Variants in OXSR1 observed in about 807,000 individuals in gnomAD.
OXSR1 encodes the protein serine/threonine-protein kinase OSR1.
A neutral mutation model predicts 79.8 loss-of-function variants in OXSR1; 24 were observed. That is an observed-to-expected ratio of 0.30 (90% confidence interval 0.22 to 0.42). The LOEUF (loss-of-function observed/expected upper bound fraction) is 0.42, where lower values mean the gene tolerates loss of function less well. Among genes scored for constraint, OXSR1 ranks in the 10% least tolerant of loss-of-function variants. OXSR1 has a pLI of 1.00. For missense variants in OXSR1, 430 were observed against 618.4 expected (o/e 0.70, Z 3.23); for synonymous variants, 226 against 209.2 (o/e 1.08, Z -0.69).
At chr3:38,236,364 G>A (rs1288239872) in intron 10 of OXSR1, among the ~76,000 whole-genome samples, 1 of 152,148 alleles carries the variant, frequency 6.6e-6, no homozygotes. Flanking sequence ...GAAAGTGGTT[G>A]CCAGTGGAGA....
At position 38,216,148 on chromosome 3, in the gene OXSR1, G is replaced by A; in HGVS notation, c.487G>A (p.Ala163Thr). 1 of 1,568,698 alleles carries A rather than the reference G, an allele frequency of 6.4e-7. No homozygotes were observed. The highest frequency in any genetic ancestry group is 8.7e-7 in the Non-Finnish European group (1 of 1,144,792). The stretch of plus-strand genomic sequence containing the variant: ...TGGAGAAGATGGCTCAGTACAGATT[G>A]CAGGTAATGATTAGTATTTCTTTTT... ...LLGEDGSVQIADFGVSAFLAT... is the reference protein window; with the variant it reads ...LLGEDGSVQITDFGVSAFLAT... Residue 163 changes from alanine to threonine, a missense_variant, in exon 5 of 18, where the codon GCA (alanine) becomes ACA (threonine). Ala to Thr is a moderately conservative substitution (Grantham distance 58). Around this residue, in one of 3 missense-constraint regions of OXSR1, gnomAD observed 145 missense variants for 228.3 expected, o/e 0.64. Transcript: ENST00000311806.
At chr3:38,236,090 CA>C (rs1400647071) in intron 10 of OXSR1, among the ~76,000 whole-genome samples, 1 of 152,120 alleles carries the variant, frequency 6.6e-6, no homozygotes, top group Non-Finnish European at 1.5e-5. Flanking sequence ...ATACTAACTA[CA>C]GGGGAAATAG....
chr3:38,205,137 C>T (rs1210872728), intron 4 of OXSR1, among the ~76,000 whole-genome samples: 1 of 151,504 alleles, frequency 6.6e-6, no homozygotes, highest in Non-Finnish European at 1.5e-5. Context: ...TCTCTGTGCC[C>T]TGCAGCTACT....
chr3:38,241,761 T>G (rs940502143), intron 11 of OXSR1, among the ~76,000 whole-genome samples: 15 of 152,050 alleles, frequency 9.9e-5, no homozygotes, highest in Admixed American at 7.9e-4. Flanking sequence ...AAAGTTTTTT[T>G]TTCTTGTAGT....
In OXSR1 at chr3:38,253,233, T is replaced by A. The variant is rs1333227974; in HGVS notation, c.*342T>A. The A allele has an allele frequency of 1.5e-5, 4 of 262,412 alleles. No individual in the cohort carries two copies. The highest frequency in any genetic ancestry group is 2.9e-5 in the Non-Finnish European group (4 of 136,770). The allele number at this position is 262,412 out of a possible 1,614,324, so 16.3% of individuals were successfully genotyped here. On this transcript the variant is annotated 3_prime_UTR_variant, in exon 18 of 18. Coordinates refer to ENST00000311806, the MANE Select transcript of OXSR1 (RefSeq NM_005109.3). ...TCCAATGATGGCCCAGGTGGAAAAGTAGCAGCTGTATCGGGCTTCCTCATC... is the reference window on the plus strand; with the variant it reads ...TCCAATGATGGCCCAGGTGGAAAAGAAGCAGCTGTATCGGGCTTCCTCATC...
intron 5 of OXSR1, among the ~76,000 whole-genome samples, chr3:38,220,864 G>C (rs546880259): frequency 2.9e-4 from 44 of 152,268 alleles, no homozygotes; most frequent in African/African-American, 9.6e-4. Context: ...TACAGAAAAG[G>C]GGGGATCATG....
chr3:38,177,501 T>C (rs983517232), intron 1 of OXSR1, among the ~76,000 whole-genome samples: 6 of 152,204 alleles, frequency 3.9e-5, no homozygotes, highest in Non-Finnish European at 5.9e-5. Context: ...GTCAAAATTG[T>C]TTATGTACAC....
At chr3:38,240,244 A>T (rs1421094685) in intron 11 of OXSR1, among the ~76,000 whole-genome samples, 2 of 152,182 alleles carry the variant, frequency 1.3e-5, no homozygotes, top group Non-Finnish European at 2.9e-5. Flanking sequence ...TATTTTTCAT[A>T]GTTGTATATG....
At chr3:38,252,254 A>C in intron 16 of OXSR1, 74 bp from the exon 17 acceptor site, 1 of 1,024,212 alleles carries the variant, frequency 9.8e-7, no homozygotes, top group Non-Finnish European at 1.6e-6. Flanking sequence ...CTACCATTTA[A>C]GCTTTTAAAA....
intron 1 of OXSR1, among the ~76,000 whole-genome samples, chr3:38,166,809 A>AT (rs1314763739): frequency 1.3e-5 from 2 of 151,952 alleles, no homozygotes; most frequent in Non-Finnish European, 2.9e-5. Flanking sequence ...AAAAAAAAAA[A>AT]AAAAATTTGA....
intron 4 of OXSR1, among the ~76,000 whole-genome samples, chr3:38,207,133 CACT>C (rs1284085991): frequency 2.6e-5 from 4 of 152,266 alleles, no homozygotes; most frequent in African/African-American, 9.6e-5. Context: ...TCTCTGTCAC[CACT>C]ACTTTGTTTT....
rs767656298 is a variant in OXSR1, at chr3:38,229,747, C to T, written c.885+12C>T. 8.7e-6 allele frequency: 14 copies of T among 1,603,342 alleles called. 1 individual carries two copies. The South Asian group carries it at 1.4e-4, about 16-fold the overall frequency. ...TCCAGAAAGCAAAGGTAGGAAATTC[C>T]AGCTTTTGATTATGTGTGTTCATAG... On this transcript the variant is annotated intron_variant, in intron 9 of 17. Transcript: ENST00000311806.
intron 1 of OXSR1, among the ~76,000 whole-genome samples, chr3:38,171,584 C>T (rs1044596008): frequency 9.2e-5 from 14 of 151,882 alleles, no homozygotes; most frequent in Admixed American, 7.2e-4. Context: ...TTTTGTTCTT[C>T]GTCTTTCTGG....
At chr3:38,188,016 G>A (rs1178836389) in intron 2 of OXSR1, among the ~76,000 whole-genome samples, 2 of 152,092 alleles carry the variant, frequency 1.3e-5, no homozygotes. Flanking sequence ...TAACTCTACT[G>A]GTAGTTAAGG....
At chr3:38,189,904 A>G (rs1701951548) in intron 2 of OXSR1, among the ~76,000 whole-genome samples, 1 of 152,184 alleles carries the variant, frequency 6.6e-6, no homozygotes, top group Admixed American at 6.5e-5. Context: ...TAAGCACACA[A>G]TGTACTATCC....
rs1425173661 is a variant in OXSR1, at chr3:38,253,633, A to C, written c.*742A>C. The C allele has an allele frequency of 6.5e-6, 1 of 152,748 alleles. No individual in the cohort carries two copies. The highest frequency in any genetic ancestry group is 1.9e-4 in the East Asian group (1 of 5,194). 9.5% of individuals were successfully genotyped at this position (152,748 alleles called of 1,614,324 possible). On this transcript the variant is annotated 3_prime_UTR_variant, in exon 18 of 18. Transcript: ENST00000311806. ...ACTTTGGATTGTTTTTACAGACAAC[A>C]TCGAGTAATGGCTTGTAAATGTGAA...
intron 1 of OXSR1, among the ~76,000 whole-genome samples, chr3:38,171,616 A>G (rs1187490798): frequency 6.6e-6 from 1 of 150,692 alleles, no homozygotes; most frequent in Non-Finnish European, 1.5e-5. Flanking sequence ...AGAGAACAGA[A>G]TCTCCTCTTA....
chr3:38,193,652 C>CA (rs1702024400), intron 3 of OXSR1, among the ~76,000 whole-genome samples: 1 of 149,270 alleles, frequency 6.7e-6, no homozygotes, highest in African/African-American at 2.5e-5. Context: ...GTTCCTCTCT[C>CA]AGTGAGTATA....
At position 38,198,092 on chromosome 3, in the gene OXSR1, A is replaced by C. The variant is rs963055121; in HGVS notation, c.293-630A>C. Among the ~76,000 whole-genome samples, 15 of 152,156 alleles carry C rather than the reference A, an allele frequency of 9.9e-5. No individual in the cohort carries two copies. The East Asian group carries it at 2.9e-3, about 29-fold the overall frequency. Reference sequence around the variant, plus strand: ...GGTGTCTTTTCCTCCTCTGCCTTCAACCTTTAGTAGGAGCATTATTTCTTA... The same window carrying C: ...GGTGTCTTTTCCTCCTCTGCCTTCACCCTTTAGTAGGAGCATTATTTCTTA... On this transcript the variant is annotated intron_variant, in intron 3 of 17. Coordinates refer to ENST00000311806, the MANE Select transcript of OXSR1 (RefSeq NM_005109.3).
Sources: gnomAD v4.1 joint callset for allele counts (sites outside exome capture counted in the v4.1 genomes callset) on GRCh38, gnomAD v4.1.1 for gene constraint, gnomAD v4.1.1 regional missense constraint, MANE v1.5 for transcripts, NCBI Gene and HGNC (gene_info 2026-07-23, HGNC 2026-07-21) for gene names.